The following DMXL2 variants were observed in gnomAD, a reference collection of about 807,000 sequenced individuals.
DMXL2 encodes the protein dmX-like protein 2.
DMXL2 carries 103 observed loss-of-function variants against 331.1 expected under a neutral mutation model. The observed-to-expected ratio is 0.31, with a 90% CI of 0.27 to 0.37. The LOEUF (loss-of-function observed/expected upper bound fraction) is 0.37. DMXL2 is among the 10% of genes least tolerant of loss of function. The pLI is 1.00. For synonymous variants in DMXL2, 1,281 were observed against 1,252.1 expected (o/e 1.02, Z -0.49); for missense variants, 3,171 against 3,642.9 (o/e 0.87, Z 3.33).
intron 15 of DMXL2, among the ~76,000 whole-genome samples, chr15:51,508,064 C>G (rs2046518484): frequency 6.6e-6 from 1 of 152,032 alleles, no homozygotes; most frequent in Non-Finnish European, 1.5e-5. Flanking sequence ...GGCCTCTAAC[C>G]ATTTTCATTA....
chr15:51,484,274 G>A (rs982917817), intron 23 of DMXL2, among the ~76,000 whole-genome samples: 31 of 152,178 alleles, frequency 2.0e-4, no homozygotes, highest in African/African-American at 7.2e-4. Context: ...CCACACTCCT[G>A]GCCAGAGTAA....
chr15:51,561,688 T>C (rs779229740), intron 6 of DMXL2, among the ~76,000 whole-genome samples: 7 of 152,036 alleles, frequency 4.6e-5, no homozygotes, highest in Non-Finnish European at 8.8e-5. Flanking sequence ...TGGGTATTTA[T>C]CCAAAAAAAA....
intron 1 of DMXL2, among the ~76,000 whole-genome samples, chr15:51,586,573 T>A (rs1462361649): frequency 7.7e-6 from 1 of 129,882 alleles, no homozygotes; most frequent in South Asian, 2.4e-4. Context: ...AAAAGAGTAA[T>A]TTAATGTTAC....
chr15:51,478,203 T>C (rs1243744349), intron 26 of DMXL2, 68 bp downstream of exon 26: 2 of 1,326,300 alleles, frequency 1.5e-6, no homozygotes, highest in African/African-American at 1.5e-5. Flanking sequence ...AAATAGAAAC[T>C]TAATATAACT....
intron 6 of DMXL2, among the ~76,000 whole-genome samples, chr15:51,562,652 A>G (rs1278605105): frequency 1.3e-5 from 2 of 152,048 alleles, no homozygotes; most frequent in Non-Finnish European, 2.9e-5. Context: ...AGGTATATAG[A>G]AAAAAAAGCA....
chr15:51,562,525 A>G (rs2050034577), intron 6 of DMXL2, among the ~76,000 whole-genome samples: 1 of 152,190 alleles, frequency 6.6e-6, no homozygotes, highest in Non-Finnish European at 1.5e-5. Context: ...TAGCTCTGCT[A>G]TTTTAGACTG....
In DMXL2 at chr15:51,595,965, C is replaced by A. The variant is rs1327399538; in HGVS notation, c.88-19784G>T. 4.6e-5 allele frequency among the ~76,000 whole-genome samples: 7 copies of A among 152,144 alleles called. No individual in the cohort carries two copies. In the East Asian group the frequency reaches 1.2e-3, roughly 25 times the overall value. Reference sequence around the variant, plus strand: ...AATGTTAGACCTAAAACCATAAAAACCCTAGAAGAAAACCTAGGCAATAAC... The same window carrying A: ...AATGTTAGACCTAAAACCATAAAAAACCTAGAAGAAAACCTAGGCAATAAC... On this transcript the variant is annotated intron_variant, in intron 1 of 43. Transcript: ENST00000560891.
Position 51,495,382 on chromosome 15 carries a change from A to G in DMXL2, c.4673-248T>C, listed in dbSNP as rs10467924. On this transcript the variant is annotated intron_variant, in intron 18 of 43. Coordinates refer to ENST00000560891, the MANE Select transcript of DMXL2 (RefSeq NM_001378457.1). The stretch of plus-strand genomic sequence containing the variant: ...TTAACTATTAGAATAGATAACAAGA[A>G]CATTTATATTGACTCATAATAAATG... 0.5 allele frequency among the ~76,000 whole-genome samples: 75,597 copies of G among 152,006 alleles called. 19,044 individuals carry two copies. Among genetic ancestry groups the G allele is most frequent in the Non-Finnish European group, 0.52 (35,357 of 67,954 alleles).
At position 51,464,720 on chromosome 15, in the gene DMXL2, A is replaced by C. The variant is rs2040424156; in HGVS notation, c.7763T>G (p.Ile2588Ser). ...TDLSVGAGPA[I>S]LRNKAMLEPE... ...TTCTAGCATTGCTTTATTTCGAAGA[A>C]TAGCTGGTCCAGCTCCCACTGAAAG... Residue 2588 changes from isoleucine to serine, a missense_variant, in exon 32 of 44, where the codon ATT becomes AGT. Ile to Ser is a moderately radical substitution (Grantham distance 142, BLOSUM62 -2). This residue lies in a region of DMXL2 where 766 missense variants were observed against 940.5 expected (regional missense o/e 0.81). Transcript: ENST00000560891. 6.2e-7 allele frequency: 1 copy of C among 1,614,172 alleles called. No homozygotes were observed. Among genetic ancestry groups the C allele is most frequent in the East Asian group, 2.2e-5 (1 of 44,862 alleles).
At chr15:51,586,492 A>G (rs1232618709) in intron 1 of DMXL2, among the ~76,000 whole-genome samples, 5 of 152,080 alleles carry the variant, frequency 3.3e-5, no homozygotes, top group Non-Finnish European at 7.4e-5. Context: ...CTTCCTAACT[A>G]CTCCAAAACA....
At chr15:51,532,442 G>A (rs1339277791) in intron 13 of DMXL2, among the ~76,000 whole-genome samples, 1 of 152,054 alleles carries the variant, frequency 6.6e-6, no homozygotes, top group Non-Finnish European at 1.5e-5. Flanking sequence ...AAAATAGTTA[G>A]AATTAATAAG....
chr15:51,505,607 G>C (rs374984592), intron 16 of DMXL2, among the ~76,000 whole-genome samples: 1 of 152,184 alleles, frequency 6.6e-6, no homozygotes, highest in African/African-American at 2.4e-5. Context: ...GGCTTTGAAA[G>C]AATTTTTAAA....
Position 51,510,141 on chromosome 15 carries a change from C to G in DMXL2, c.2645-2888G>C, listed in dbSNP as rs997281755. On this transcript the variant is annotated intron_variant, in intron 15 of 43. Transcript: ENST00000560891. Reference sequence around the variant, plus strand: ...AGCTGGAAGTATTCCCTTTGAAAAGCAGCACAAGACAAGGATGCCCTCTCT... The same window carrying G: ...AGCTGGAAGTATTCCCTTTGAAAAGGAGCACAAGACAAGGATGCCCTCTCT... 2.6e-5 allele frequency among the ~76,000 whole-genome samples: 4 copies of G among 152,102 alleles called. No individual in the cohort carries two copies. The South Asian group carries it at 8.3e-4, about 32-fold the overall frequency.
intron 18 of DMXL2, 105 bp downstream of exon 18, chr15:51,498,447 A>G: frequency 3.4e-6 from 4 of 1,192,224 alleles, no homozygotes; most frequent in East Asian, 2.5e-5. Flanking sequence ...TTTTCCCTGC[A>G]AAGTTTGAAA....
chr15:51,494,991 GT>G (rs953321936), intron 19 of DMXL2, 32 bp downstream of exon 19: 1 of 1,509,234 alleles, frequency 6.6e-7, no homozygotes, highest in Non-Finnish European at 9.2e-7. Context: ...TTAAGTAAAA[GT>G]TGTGCAAAGC....
Position 51,474,381 on chromosome 15 carries a change from A to G in DMXL2, c.7176T>C (p.Leu2392=). Residue 2392 remains leucine (L), a synonymous_variant, in exon 28 of 44, where the codon CTT becomes CTC. Coordinates refer to ENST00000560891, the MANE Select transcript of DMXL2 (RefSeq NM_001378457.1). ...WAAVFGGGVK[L]VVKPRRQSEN... ...CTGATTGTCTTCGAGGTTTCACAAC[A>G]AGTTTTACACCGCCTCCAAAAACAG... The G allele has an allele frequency of 6.2e-7, 1 of 1,611,522 alleles. No homozygotes were observed. Among genetic ancestry groups the G allele is most frequent in the Non-Finnish European group, 8.5e-7 (1 of 1,177,754 alleles).
At chr15:51,483,102 A>C (rs1032067154) in intron 23 of DMXL2, among the ~76,000 whole-genome samples, 3 of 152,110 alleles carry the variant, frequency 2.0e-5, no homozygotes, top group Admixed American at 2.0e-4. Context: ...GCCACCACAA[A>C]CATCTACAGT....
chr15:51,550,997 CCT>C (rs893891156), intron 6 of DMXL2, among the ~76,000 whole-genome samples: 1 of 151,904 alleles, frequency 6.6e-6, no homozygotes, highest in Non-Finnish European at 1.5e-5. Context: ...GAAATAAAAC[CCT>C]GTCATGTGTA....
intron 28 of DMXL2, among the ~76,000 whole-genome samples, chr15:51,471,950 C>T (rs1330792645): frequency 3.9e-5 from 6 of 152,092 alleles, no homozygotes; most frequent in African/African-American, 1.4e-4. Context: ...AACCTGGGAA[C>T]TTATGTTTTG....
Sources: allele counts gnomAD v4.1 joint callset (sites outside exome capture counted in the v4.1 genomes callset), GRCh38; gene constraint gnomAD v4.1.1; regional missense constraint gnomAD v4.1.1; transcripts MANE v1.5; gene names NCBI Gene and HGNC (gene_info 2026-07-23, HGNC 2026-07-21).